Variants in ATP10B observed in about 807,000 individuals in gnomAD.
ATP10B encodes ATPase phospholipid transporting 10B (putative), also known as phospholipid-transporting ATPase VB.
Under a neutral mutation model 141.2 loss-of-function variants are expected in ATP10B, and 122 were observed. The observed-to-expected ratio is 0.86, with a 90% CI of 0.75 to 1.00. The LOEUF is 1.00. Among genes scored for constraint, ATP10B ranks in the 50% least tolerant of loss-of-function variants. The pLI is 0.00. For synonymous variants in ATP10B, 685 were observed against 692.0 expected, an observed-to-expected ratio of 0.99 and a Z score of 0.16; for missense variants, 1,876 against 1,825.3, an observed-to-expected ratio of 1.03 and a Z score of -0.51.
chr5:160,778,676 C>CTT (rs76351688), intron 2 of ATP10B, among the ~76,000 whole-genome samples: 1 of 152,054 alleles, frequency 6.6e-6, no homozygotes, highest in South Asian at 2.1e-4. Context: ...AAAATATTGA[C>CTT]TTTTTTAAAA....
rs1214003661 is a variant in ATP10B, at chr5:160,819,065, G to A, written c.-576+32876C>T. Reference sequence around the variant, plus strand: ...CCTAATGCTAATGACGAGTTAATGGGTGCAGCACACCAACATGGCACGTGT... The same window carrying A: ...CCTAATGCTAATGACGAGTTAATGGATGCAGCACACCAACATGGCACGTGT... On this transcript the variant is annotated intron_variant, in intron 1 of 25. Coordinates refer to ENST00000327245, the MANE Select transcript of ATP10B (RefSeq NM_025153.3). Among the ~76,000 whole-genome samples, 3 of 152,084 alleles carry A rather than the reference G, an allele frequency of 2.0e-5. No individual in the cohort carries two copies. In the East Asian group the frequency reaches 5.8e-4, roughly 29 times the overall value.
rs565365481 is a variant in ATP10B, at chr5:160,634,212, CA to C, written c.1381+141del. 3.9e-3 allele frequency: 4,431 copies of C among 1,146,268 alleles called. 10 individuals are homozygous for C. Among genetic ancestry groups the C allele is most frequent in the Non-Finnish European group, 5.0e-3 (3,784 of 762,398 alleles). 71.0% of individuals were successfully genotyped at this position (1,146,268 alleles called of 1,614,324 possible). A position where few individuals can be genotyped will look rare whatever the true frequency, so the allele number is the denominator to read the frequency against. On this transcript the variant is annotated intron_variant, in intron 12 of 25. Transcript: ENST00000327245. The stretch of plus-strand genomic sequence containing the variant: ...AGCCCTGATCTGTGACAAGGAAGAC[CA>C]CAGGGATACAGGAAGCAACTTGTGG...
At chr5:160,812,146 G>A (rs1179943187) in intron 1 of ATP10B, among the ~76,000 whole-genome samples, 1 of 152,006 alleles carries the variant, frequency 6.6e-6, no homozygotes, top group Non-Finnish European at 1.5e-5. Flanking sequence ...AATTCTTCCA[G>A]GTCTTATTCA....
At chr5:160,716,236 T>TA (rs1289641079) in intron 3 of ATP10B, among the ~76,000 whole-genome samples, 1 of 152,230 alleles carries the variant, frequency 6.6e-6, no homozygotes, top group African/African-American at 2.4e-5. Context: ...TAATGGCAGT[T>TA]AAAATTATAC....
At chr5:160,766,341 C>CACACACAA (rs1424741257) in intron 2 of ATP10B, among the ~76,000 whole-genome samples, 1 of 47,438 alleles carries the variant, frequency 2.1e-5, no homozygotes, top group Non-Finnish European at 4.2e-5. Context: ...AAAGAGAACA[C>CACACACAA]ACACACACAC....
the ATP10B span, among the ~76,000 whole-genome samples, chr5:160,862,410 C>G: frequency 6.6e-6 from 1 of 151,934 alleles, no homozygotes; most frequent in Non-Finnish European, 1.5e-5. Context: ...CTGTGGATTT[C>G]ACACTTACCT....
At chr5:160,642,752 A>T (rs1318317725) in intron 9 of ATP10B, among the ~76,000 whole-genome samples, 2 of 152,192 alleles carry the variant, frequency 1.3e-5, no homozygotes, top group African/African-American at 2.4e-5. Flanking sequence ...TTCACAGATA[A>T]TCTCATTCTA....
intron 24 of ATP10B, among the ~76,000 whole-genome samples, chr5:160,580,705 A>T (rs1755489427): frequency 6.6e-6 from 1 of 152,012 alleles, no homozygotes; most frequent in South Asian, 2.1e-4. Flanking sequence ...CTCTTTTTTT[A>T]TTGTTTGGAA....
intron 1 of ATP10B, among the ~76,000 whole-genome samples, chr5:160,838,798 T>C (rs1448689910): frequency 1.3e-5 from 2 of 152,174 alleles, no homozygotes; most frequent in African/African-American, 4.8e-5. Context: ...ATTCACATAC[T>C]GAAATGTGAT....
intron 24 of ATP10B, among the ~76,000 whole-genome samples, chr5:160,583,617 GCTGTGCCTA>G (rs1455023166): frequency 6.6e-6 from 1 of 152,222 alleles, no homozygotes; most frequent in Non-Finnish European, 1.5e-5. Context: ...GTCTGCTGAA[GCTGTGCCTA>G]CAGCCACCCC....
intron 1 of ATP10B, among the ~76,000 whole-genome samples, chr5:160,841,805 G>T (rs10866722): frequency 0.43 from 66,069 of 152,000 alleles, 16,160 homozygotes; most frequent in Non-Finnish European, 0.54. Context: ...GTTCACTGCA[G>T]CATCTGCCTC....
At chr5:160,715,569 CGT>C (rs1257921792) in intron 3 of ATP10B, among the ~76,000 whole-genome samples, 2 of 151,012 alleles carry the variant, frequency 1.3e-5, no homozygotes, top group Admixed American at 6.6e-5. Context: ...AGAAATCACC[CGT>C]CTTCTGCGTC....
At chr5:160,648,523 C>T (rs1452676494) in intron 8 of ATP10B, among the ~76,000 whole-genome samples, 3 of 152,032 alleles carry the variant, frequency 2.0e-5, no homozygotes, top group Admixed American at 2.0e-4. Context: ...GATAAGGGAG[C>T]AGAATTGCAG....
chr5:160,915,301 C>T, the ATP10B span, among the ~76,000 whole-genome samples: 1 of 151,532 alleles, frequency 6.6e-6, no homozygotes, highest in Non-Finnish European at 1.5e-5. Flanking sequence ...ATTCTCCCCA[C>T]GCTTTCTCCC....
chr5:160,850,063 T>G lies in ATP10B; in HGVS notation c.-576+1878A>C, dbSNP rs75722423. ...TTTACTTTTGAGTCACAAAAGAAAT[T>G]TTCATTCCCTTCTGACATGGCAGAA... On this transcript the variant is annotated intron_variant, in intron 1 of 25. Coordinates refer to ENST00000327245, the MANE Select transcript of ATP10B (RefSeq NM_025153.3). Among the ~76,000 whole-genome samples, 459 of 152,170 alleles carry G rather than the reference T, an allele frequency of 3.0e-3. 5 individuals are homozygous for G. Among genetic ancestry groups the G allele is most frequent in the African/African-American group, 0.011 (442 of 41,532 alleles).
At chr5:160,673,591 T>C (rs189939514) in intron 6 of ATP10B, among the ~76,000 whole-genome samples, 8 of 152,098 alleles carry the variant, frequency 5.3e-5, no homozygotes, top group Admixed American at 3.9e-4. Context: ...CAACCCTCAC[T>C]TTTATTTTCT....
chr5:160,676,683 C>T (rs1363434665), intron 6 of ATP10B, among the ~76,000 whole-genome samples: 1 of 152,114 alleles, frequency 6.6e-6, no homozygotes, highest in Non-Finnish European at 1.5e-5. Flanking sequence ...TTTTCCTAAC[C>T]TTTGGCCATT....
chr5:160,689,381 A>G (rs1042659391), intron 3 of ATP10B, among the ~76,000 whole-genome samples: 1 of 152,218 alleles, frequency 6.6e-6, no homozygotes, highest in Non-Finnish European at 1.5e-5. Context: ...GTCCAGGGCA[A>G]TCAGGCAAGA....
At chr5:160,597,125 C>T (rs1199505743) in intron 22 of ATP10B, among the ~76,000 whole-genome samples, 2 of 152,216 alleles carry the variant, frequency 1.3e-5, no homozygotes, top group African/African-American at 2.4e-5. Context: ...GGAGGCACCA[C>T]ACTACCTGAC....
Sources: gnomAD v4.1 joint callset for allele counts (sites outside exome capture counted in the v4.1 genomes callset) on GRCh38, gnomAD v4.1.1 for gene constraint, MANE v1.5 for transcripts, NCBI Gene and HGNC (gene_info 2026-07-23, HGNC 2026-07-21) for gene names.